The following FAAH2 variants were observed in gnomAD, a reference collection of about 807,000 sequenced individuals.
FAAH2 encodes fatty acid amide hydrolase 2.
Under a neutral mutation model 36.9 loss-of-function variants are expected in FAAH2, and 60 were observed. The observed-to-expected ratio is 1.63, with a 90% CI of 1.32 to 2.02. The LOEUF (loss-of-function observed/expected upper bound fraction) is 2.02, where lower values mean the gene tolerates loss of function less well. FAAH2 is among the 30% of genes most tolerant of loss of function. The pLI, the probability that FAAH2 is intolerant of heterozygous loss-of-function variation, is 0.00. For synonymous variants in FAAH2, 214 were observed against 143.8 expected (o/e 1.49, Z -3.49); for missense variants, 689 against 397.5 (o/e 1.73, Z -6.23).
chrX:57,449,658 CCTTCCTTCCTTG>C (rs913672353), intron 10 of FAAH2, among the ~76,000 whole-genome samples: 7 of 110,936 alleles, frequency 6.3e-5, no homozygotes, highest in African/African-American at 2.0e-4. Flanking sequence ...GTCCTTCCTT[CCTTCCTTCCTTG>C]CTTCCTTCCT....
At chrX:57,417,654 A>T (rs966703511) in intron 7 of FAAH2, among the ~76,000 whole-genome samples, 2 of 111,466 alleles carry the variant, frequency 1.8e-5, no homozygotes, top group African/African-American at 6.5e-5. Context: ...GTCCTGTATG[A>T]GGTGTCTGTC....
chrX:57,283,787 A>G (rs1162264824), upstream of FAAH2, among the ~76,000 whole-genome samples: 1 of 111,603 alleles, frequency 9.0e-6, no homozygotes, highest in Non-Finnish European at 1.9e-5. Flanking sequence ...ATGCAGCAGA[A>G]CAGTACCACT....
At chrX:57,424,698 C>T (rs1310623399) in intron 7 of FAAH2, among the ~76,000 whole-genome samples, 1 of 112,101 alleles carries the variant, frequency 8.9e-6, no homozygotes, top group African/African-American at 3.2e-5. Flanking sequence ...ACTCAACAAA[C>T]ATTATAGTCA....
chrX:57,149,255 G>A, the FAAH2 span, among the ~76,000 whole-genome samples: 1 of 111,476 alleles, frequency 9.0e-6, no homozygotes, highest in Non-Finnish European at 1.9e-5. Flanking sequence ...TTGGTATCAG[G>A]ATGATGCTGG....
the FAAH2 span, among the ~76,000 whole-genome samples, chrX:57,260,464 C>T: frequency 3.6e-5 from 4 of 111,514 alleles, no homozygotes; most frequent in African/African-American, 1.3e-4. Flanking sequence ...GTAGAAGAAA[C>T]GATAGTAAAA....
At chrX:57,425,716 T>A (rs1011973310) in intron 7 of FAAH2, among the ~76,000 whole-genome samples, 3 of 111,479 alleles carry the variant, frequency 2.7e-5, no homozygotes, top group African/African-American at 9.8e-5. Flanking sequence ...GACAGAGTTC[T>A]AAATAAGGAT....
the FAAH2 span, among the ~76,000 whole-genome samples, chrX:57,257,287 C>T: frequency 8.9e-6 from 1 of 111,808 alleles, no homozygotes; most frequent in Non-Finnish European, 1.9e-5. Context: ...GACTTGGAAC[C>T]AACCCAAATA....
chrX:57,385,712 T>C (rs1051887666), intron 7 of FAAH2, among the ~76,000 whole-genome samples: 3 of 111,870 alleles, frequency 2.7e-5, no homozygotes, highest in African/African-American at 9.7e-5. Flanking sequence ...CAGGCCATCC[T>C]GGCTAACACG....
At chrX:57,473,138 GCT>G (rs1234476723) in intron 10 of FAAH2, among the ~76,000 whole-genome samples, 8 of 110,510 alleles carry the variant, frequency 7.2e-5, no homozygotes, top group African/African-American at 1.6e-4. Context: ...TAATTTTAGA[GCT>G]CTCTCTCCTT....
the FAAH2 span, among the ~76,000 whole-genome samples, chrX:57,278,220 A>ACAG: frequency 9.0e-6 from 1 of 111,556 alleles, no homozygotes; most frequent in Non-Finnish European, 1.9e-5. Context: ...GGTAACAAAG[A>ACAG]AGATATATGG....
intron 5 of FAAH2, among the ~76,000 whole-genome samples, chrX:57,362,463 G>A (rs777636371): frequency 8.7e-4 from 97 of 111,322 alleles, no homozygotes; most frequent in African/African-American, 3.1e-3. Context: ...TAACAAACCT[G>A]CATGTTCTGC....
In FAAH2 at chrX:57,331,770, C is replaced by T. The variant is rs186994377; in HGVS notation, c.585C>T (p.Asn195=). The change falls in exon 4 of 11, where the codon AAC becomes AAT. Residue 195 remains asparagine (N), a synonymous_variant. Coordinates refer to ENST00000374900, the MANE Select transcript of FAAH2 (RefSeq NM_174912.4). ...ACAAGATCTATGGCCGATCAAACAA[C>T]CCATATGATTTACAGCATATTGTAG... ...SSNKIYGRSN[N]PYDLQHIVGG... 90 of 1,209,656 alleles carry T rather than the reference C, an allele frequency of 7.4e-5. No individual in the cohort carries two copies. The Admixed American group carries it at 2.0e-3, about 26-fold the overall frequency.
the FAAH2 span, among the ~76,000 whole-genome samples, chrX:57,213,452 A>G: frequency 9.0e-6 from 1 of 111,329 alleles, no homozygotes; most frequent in Non-Finnish European, 1.9e-5. Flanking sequence ...CATTCTTTTG[A>G]TGTATGCATT....
the FAAH2 span, among the ~76,000 whole-genome samples, chrX:57,191,832 T>C: frequency 5.3e-5 from 6 of 112,156 alleles, no homozygotes; most frequent in South Asian, 1.8e-3. Flanking sequence ...TATTCTCTTC[T>C]ATTGGTCTAT....
At chrX:57,478,258 C>A (rs1431725721) in intron 10 of FAAH2, among the ~76,000 whole-genome samples, 2 of 111,750 alleles carry the variant, frequency 1.8e-5, no homozygotes, top group African/African-American at 6.5e-5. Flanking sequence ...AGCATTTTTT[C>A]ATGTGTTTTT....
chrX:57,207,291 C>T, the FAAH2 span, among the ~76,000 whole-genome samples: 4 of 111,236 alleles, frequency 3.6e-5, no homozygotes, highest in Non-Finnish European at 5.7e-5. Context: ...GGTTGTCCAT[C>T]AGGCCCTTCA....
At chrX:57,147,921 G>C in the FAAH2 span, among the ~76,000 whole-genome samples, 2 of 111,793 alleles carry the variant, frequency 1.8e-5, no homozygotes, top group Admixed American at 1.9e-4. Flanking sequence ...GTCTGAGAGA[G>C]TACTTGATGT....
the FAAH2 span, among the ~76,000 whole-genome samples, chrX:57,163,621 T>A: frequency 1.8e-5 from 2 of 111,911 alleles, no homozygotes; most frequent in African/African-American, 6.5e-5. Flanking sequence ...GTGACCCGAT[T>A]TTCCAGGTGC....
chrX:57,409,477 T>C (rs2055647276), intron 7 of FAAH2, among the ~76,000 whole-genome samples: 1 of 111,611 alleles, frequency 9.0e-6, no homozygotes, highest in African/African-American at 3.2e-5. Context: ...TTAATTTTTC[T>C]TTAAATCATT....
Sources: gnomAD v4.1 joint callset for allele counts (sites outside exome capture counted in the v4.1 genomes callset) on GRCh38, gnomAD v4.1.1 for gene constraint, MANE v1.5 for transcripts, NCBI Gene and HGNC (gene_info 2026-07-23, HGNC 2026-07-21) for gene names.